Variants in ZNF366 observed in about 807,000 individuals in gnomAD.
The protein encoded by ZNF366 is zinc finger protein 366, also known as dendritic cell-specific transcript protein.
In ZNF366, 20 loss-of-function variants were observed where a neutral mutation model predicts 47.2. That is an observed-to-expected ratio of 0.42 (90% CI 0.30 to 0.62). The LOEUF is 0.62. Among genes scored for constraint, ZNF366 ranks in the 20% least tolerant of loss-of-function variants. The pLI, the probability that ZNF366 is intolerant of heterozygous loss-of-function variation, is 0.16. For missense variants in ZNF366, 987 were observed against 976.3 expected, an observed-to-expected ratio of 1.01 and a Z score of -0.15; for synonymous variants, 421 against 395.1, an observed-to-expected ratio of 1.07 and a Z score of -0.78.
At chr5:72,468,843 T>C (rs1023559473) in intron 1 of ZNF366, among the ~76,000 whole-genome samples, 4 of 152,230 alleles carry the variant, frequency 2.6e-5, no homozygotes, top group Non-Finnish European at 4.4e-5. Context: ...ATTGGAGATA[T>C]GACTTAGCAG....
At chr5:72,486,539 G>A (rs912657008) in intron 1 of ZNF366, among the ~76,000 whole-genome samples, 5 of 152,174 alleles carry the variant, frequency 3.3e-5, no homozygotes, top group African/African-American at 1.2e-4. Context: ...CCCTTCCCAA[G>A]GACAGACTTG....
intron 1 of ZNF366, among the ~76,000 whole-genome samples, chr5:72,475,200 AG>A (rs922319143): frequency 5.9e-5 from 9 of 152,326 alleles, no homozygotes; most frequent in African/African-American, 1.9e-4. Flanking sequence ...CGCAGCCTGA[AG>A]ACCTTCCTGT....
At position 72,461,279 on chromosome 5, in the gene ZNF366, C is replaced by T. The variant is rs141570744; in HGVS notation, c.218G>A (p.Gly73Glu). The change falls in exon 2 of 5, where the codon GGA becomes GAA. Residue 73 changes from glycine to glutamate, a missense_variant. This residue lies in a region of ZNF366 where 591 missense variants were observed against 560.9 expected (regional missense o/e 1.05). Coordinates refer to ENST00000318442, the MANE Select transcript of ZNF366 (RefSeq NM_152625.3). ...DLDGFPGVFE[G>E]AGSRKRKSMP... is the part of the protein sequence containing the mutation. ...GCTCTTCCGTTTCCTAGACCCTGCT[C>T]CTTCGAAGACCCCGGGGAACCCATC... 2.2e-5 allele frequency: 35 copies of T among 1,614,012 alleles called. No homozygotes were observed. The African/African-American group carries it at 4.3e-4, about 20-fold the overall frequency.
At chr5:72,497,026 T>C (rs1744125802) in intron 1 of ZNF366, among the ~76,000 whole-genome samples, 1 of 152,226 alleles carries the variant, frequency 6.6e-6, no homozygotes, top group Non-Finnish European at 1.5e-5. Flanking sequence ...CTTTATCAGA[T>C]ATTCTTAAAA....
At chr5:72,457,992 AATTTT>A (rs1389876090) in intron 2 of ZNF366, among the ~76,000 whole-genome samples, 2 of 151,554 alleles carry the variant, frequency 1.3e-5, no homozygotes, top group Non-Finnish European at 2.9e-5. Flanking sequence ...ATGGATTTTA[AATTTT>A]ATTTTAGCAT....
intron 1 of ZNF366, among the ~76,000 whole-genome samples, chr5:72,500,671 G>T (rs989473514): frequency 6.6e-6 from 1 of 152,172 alleles, no homozygotes; most frequent in South Asian, 2.1e-4. Context: ...TTAACAAATG[G>T]CTTTGTAACT....
rs753571275 is a variant in ZNF366 at position 72,460,791 on chromosome 5, C to T, written c.706G>A (p.Val236Met). ...ACGTAGTAGCTGTCATCGATCTGCACGTTCACGTCCACCCTCTCCACCTTC... is the reference window on the plus strand; with the variant it reads ...ACGTAGTAGCTGTCATCGATCTGCATGTTCACGTCCACCCTCTCCACCTTC... Reference protein sequence around the residue: ...KQKVERVDVNVQIDDSYYVDV... With the variant: ...KQKVERVDVNMQIDDSYYVDV... The change falls in exon 2 of 5, where the codon GTG (valine) becomes ATG (methionine). Residue 236 changes from valine to methionine, a missense_variant. This residue lies in a region of ZNF366 where 591 missense variants were observed against 560.9 expected (regional missense o/e 1.05). Transcript: ENST00000318442. 6.2e-7 allele frequency: 1 copy of T among 1,614,102 alleles called. No individual in the cohort carries two copies. Among genetic ancestry groups the T allele is most frequent in the Non-Finnish European group, 8.5e-7 (1 of 1,180,058 alleles).
At chr5:72,445,770 C>T (rs1374622175) in intron 4 of ZNF366, among the ~76,000 whole-genome samples, 2 of 152,156 alleles carry the variant, frequency 1.3e-5, no homozygotes, top group Non-Finnish European at 2.9e-5. Context: ...CGGAAAAATC[C>T]AGGTCTAGCT....
chr5:72,455,077 T>C (rs3112483), intron 3 of ZNF366, among the ~76,000 whole-genome samples: 136,304 of 151,890 alleles, frequency 0.9, 61,395 homozygotes, highest in East Asian at 0.97. Context: ...AGCTGATTCT[T>C]GCTTTAGACG....
intron 1 of ZNF366, among the ~76,000 whole-genome samples, chr5:72,466,399 G>A (rs1365482261): frequency 6.6e-6 from 1 of 152,220 alleles, no homozygotes; most frequent in Admixed American, 6.5e-5. Context: ...CAGCCAGTGT[G>A]TGAGAAACTG....
At chr5:72,481,486 C>T (rs183677631) in intron 1 of ZNF366, among the ~76,000 whole-genome samples, 6 of 152,228 alleles carry the variant, frequency 3.9e-5, no homozygotes, top group Non-Finnish European at 7.4e-5. Context: ...CGGTAGACAA[C>T]TTTGTTCATA....
In ZNF366 at chr5:72,483,384, C is replaced by A. The variant is rs2112345568; in HGVS notation, c.-14-21874G>T. 1.3e-5 allele frequency among the ~76,000 whole-genome samples: 2 copies of A among 152,210 alleles called. 1 individual carries two copies. Among genetic ancestry groups the A allele is most frequent in the South Asian group, 4.2e-4 (2 of 4,810 alleles). ...ATAATGCCCAGGCAACCCAGGGTAA[C>A]AAGAGACCTATACCCACCACTGTGG... On this transcript the variant is annotated intron_variant, in intron 1 of 4. Coordinates refer to ENST00000318442, the MANE Select transcript of ZNF366 (RefSeq NM_152625.3).
At chr5:72,468,494 C>G (rs890427390) in intron 1 of ZNF366, among the ~76,000 whole-genome samples, 15 of 152,284 alleles carry the variant, frequency 9.9e-5, no homozygotes, top group Middle Eastern at 3.4e-3. Context: ...TTGAAAGTTC[C>G]TAAATACAAC....
intron 1 of ZNF366, among the ~76,000 whole-genome samples, chr5:72,482,849 G>T (rs1398513976): frequency 6.6e-6 from 1 of 150,708 alleles, no homozygotes; most frequent in East Asian, 1.9e-4. Context: ...GCACTGTATT[G>T]CCACCACTGA....
intron 1 of ZNF366, among the ~76,000 whole-genome samples, chr5:72,479,252 T>A (rs1413089568): frequency 6.6e-6 from 1 of 152,094 alleles, no homozygotes; most frequent in Non-Finnish European, 1.5e-5. Context: ...GAAGGTTGAA[T>A]AGCCTGATTG....
At chr5:72,506,113 G>A (rs1010644337) in intron 1 of ZNF366, among the ~76,000 whole-genome samples, 1 of 152,212 alleles carries the variant, frequency 6.6e-6, no homozygotes, top group Non-Finnish European at 1.5e-5. Context: ...TTTTTAAAAT[G>A]AGAGTCCAGC....
intron 1 of ZNF366, among the ~76,000 whole-genome samples, chr5:72,504,774 G>C (rs755035772): frequency 3.3e-5 from 5 of 151,964 alleles, no homozygotes; most frequent in Non-Finnish European, 1.5e-5. Flanking sequence ...ATATATAACT[G>C]ACACTGATTG....
chr5:72,487,195 C>T lies in ZNF366; in HGVS notation c.-15+20056G>A, dbSNP rs145000480. ...ATAATGCTACCGGAGAGTTTCCTTC[C>T]TAAACTGGCATTTTATTCAATAATG... On this transcript the variant is annotated intron_variant, in intron 1 of 4. Coordinates refer to ENST00000318442, the MANE Select transcript of ZNF366 (RefSeq NM_152625.3). 5.3e-3 allele frequency among the ~76,000 whole-genome samples: 810 copies of T among 152,324 alleles called. 9 individuals are homozygous for T. The highest frequency in any genetic ancestry group is 0.018 in the African/African-American group (732 of 41,560).
chr5:72,446,730 C>T (rs539020302), intron 4 of ZNF366, among the ~76,000 whole-genome samples: 2 of 152,182 alleles, frequency 1.3e-5, no homozygotes, highest in Non-Finnish European at 2.9e-5. Context: ...CTTCTGCTAA[C>T]AGTAAGGCTT....
Sources: gnomAD v4.1 joint callset for allele counts (sites outside exome capture counted in the v4.1 genomes callset) on GRCh38, gnomAD v4.1.1 for gene constraint, gnomAD v4.1.1 regional missense constraint, MANE v1.5 for transcripts, NCBI Gene and HGNC (gene_info 2026-07-23, HGNC 2026-07-21) for gene names.